Variants in CDK14 observed in about 807,000 individuals in gnomAD.
CDK14 encodes the protein cyclin-dependent kinase 14.
CDK14 carries 34 observed loss-of-function variants against 60.7 expected under a neutral mutation model. The ratio of observed to expected loss-of-function variants is 0.56; its 90% CI spans 0.43 to 0.75. The LOEUF (loss-of-function observed/expected upper bound fraction) is 0.75. CDK14 is among the 30% of genes least tolerant of loss of function. The probability of loss-of-function intolerance (pLI) is 0.00; values close to 1 mark genes in which losing one functional copy is unlikely to be tolerated. For missense variants in CDK14, 482 were observed against 564.1 expected (o/e 0.85, Z 1.47); for synonymous variants, 197 against 203.7 (o/e 0.97, Z 0.28).
intron 11 of CDK14, among the ~76,000 whole-genome samples, chr7:91,061,665 C>A (rs562208174): frequency 5.8e-4 from 88 of 152,366 alleles, no homozygotes; most frequent in African/African-American, 2.1e-3. Flanking sequence ...TGGAGGTCCA[C>A]TCCAGACCCT....
intron 4 of CDK14, among the ~76,000 whole-genome samples, chr7:90,774,013 C>T (rs963574379): frequency 6.6e-6 from 1 of 150,868 alleles, no homozygotes; most frequent in Admixed American, 6.6e-5. Flanking sequence ...AAATGATTCT[C>T]CTGCCCCAGA....
intron 9 of CDK14, chr7:90,979,948 C>A (rs1463033179): frequency 7.9e-6 from 1 of 126,838 alleles, no homozygotes; most frequent in Non-Finnish European, 1.7e-5. Context: ...TTTAAATGCA[C>A]TTCTATAGCC....
At chr7:91,042,040 C>G (rs959965142) in intron 10 of CDK14, among the ~76,000 whole-genome samples, 3 of 152,096 alleles carry the variant, frequency 2.0e-5, no homozygotes, top group Non-Finnish European at 4.4e-5. Context: ...ACTCAGACAT[C>G]ACAAAAAGGT....
intron 4 of CDK14, among the ~76,000 whole-genome samples, chr7:90,768,613 C>G (rs1327115584): frequency 6.6e-6 from 1 of 151,972 alleles, no homozygotes; most frequent in African/African-American, 2.4e-5. Flanking sequence ...CCTCTTTTTT[C>G]GAATATCCGA....
intron 5 of CDK14, among the ~76,000 whole-genome samples, chr7:90,836,747 G>T (rs1049917041): frequency 6.8e-4 from 103 of 152,132 alleles, no homozygotes; most frequent in African/African-American, 2.4e-3. Context: ...CAATGCAGTA[G>T]GTTTGTTTGC....
intron 2 of CDK14, among the ~76,000 whole-genome samples, chr7:90,719,094 G>A (rs1802353498): frequency 6.6e-6 from 1 of 151,948 alleles, no homozygotes; most frequent in East Asian, 1.9e-4. Flanking sequence ...GCCCTCCTGG[G>A]GTATTGGACA....
chr7:91,095,007 C>T (rs527944413), intron 12 of CDK14, among the ~76,000 whole-genome samples: 14 of 152,144 alleles, frequency 9.2e-5, no homozygotes, highest in Non-Finnish European at 1.9e-4. Context: ...ATGGAACATT[C>T]AAGAAATTTA....
chr7:90,829,388 T>C (rs1789835182), intron 5 of CDK14, among the ~76,000 whole-genome samples: 1 of 152,186 alleles, frequency 6.6e-6, no homozygotes, highest in African/African-American at 2.4e-5. Context: ...AATATGAGCC[T>C]GTAAAATCGA....
intron 10 of CDK14, among the ~76,000 whole-genome samples, chr7:91,029,357 T>C (rs904869968): frequency 1.3e-5 from 2 of 152,188 alleles, no homozygotes; most frequent in Non-Finnish European, 2.9e-5. Flanking sequence ...CTATGAAAAA[T>C]GATATTGATC....
chr7:90,638,945 C>T (rs1166803103), intron 2 of CDK14, among the ~76,000 whole-genome samples: 1 of 152,128 alleles, frequency 6.6e-6, no homozygotes, highest in Non-Finnish European at 1.5e-5. Flanking sequence ...CTTCTGCATT[C>T]TTCACGTAGT....
At chr7:91,022,326 C>A (rs1294422687) in intron 10 of CDK14, among the ~76,000 whole-genome samples, 1 of 152,192 alleles carries the variant, frequency 6.6e-6, no homozygotes, top group Admixed American at 6.5e-5. Context: ...AATAGTTTCT[C>A]ACTATTGACC....
chr7:90,786,216 G>A (rs1171319453), intron 4 of CDK14, among the ~76,000 whole-genome samples: 1 of 152,152 alleles, frequency 6.6e-6, no homozygotes, highest in South Asian at 2.1e-4. Context: ...GGCAAATTTG[G>A]CAGTAACTGC....
chr7:90,919,443 T>C (rs1314964886), intron 8 of CDK14, among the ~76,000 whole-genome samples: 4 of 152,138 alleles, frequency 2.6e-5, no homozygotes, highest in Non-Finnish European at 5.9e-5. Flanking sequence ...CATTTTAAAA[T>C]ATCAGATTCA....
chr7:90,747,638 A>G (rs779176919), intron 3 of CDK14, 43 bp from the exon 4 acceptor site: 2 of 1,142,278 alleles, frequency 1.8e-6, no homozygotes, highest in Admixed American at 4.4e-5. Context: ...TTGTTAATTA[A>G]TTTGATACAA....
intron 6 of CDK14, among the ~76,000 whole-genome samples, chr7:90,897,034 T>G (rs2117344395): frequency 6.6e-6 from 1 of 152,282 alleles, no homozygotes; most frequent in South Asian, 2.1e-4. Context: ...TGTTAATTTT[T>G]GAAAGGAGTA....
intron 2 of CDK14, among the ~76,000 whole-genome samples, chr7:90,711,124 CATG>C (rs1802044786): frequency 6.6e-6 from 1 of 151,958 alleles, no homozygotes; most frequent in African/African-American, 2.4e-5. Flanking sequence ...ACAGAACTGG[CATG>C]TAGCCAGTTC....
intron 14 of CDK14, among the ~76,000 whole-genome samples, chr7:91,167,613 C>G (rs915258273): frequency 6.6e-6 from 1 of 152,184 alleles, no homozygotes; most frequent in African/African-American, 2.4e-5. Context: ...AGCTCTCAAC[C>G]TGGTATCTTC....
At chr7:91,125,044 C>A (rs916561682) in intron 14 of CDK14, among the ~76,000 whole-genome samples, 12 of 152,076 alleles carry the variant, frequency 7.9e-5, no homozygotes, top group African/African-American at 2.7e-4. Flanking sequence ...TAAAAGGAGG[C>A]TGTTTGAGTT....
chr7:90,776,597 C>T (rs1805057657), intron 4 of CDK14, among the ~76,000 whole-genome samples: 1 of 152,166 alleles, frequency 6.6e-6, no homozygotes, highest in Non-Finnish European at 1.5e-5. Flanking sequence ...GAAGTGCAAG[C>T]ACTCACCTCC....
Sources: gnomAD v4.1 joint callset for allele counts (sites outside exome capture counted in the v4.1 genomes callset) on GRCh38, gnomAD v4.1.1 for gene constraint, MANE v1.5 for transcripts, NCBI Gene and HGNC (gene_info 2026-07-23, HGNC 2026-07-21) for gene names.